The following CARMIL1 variants were observed in gnomAD, a reference collection of about 807,000 sequenced individuals.
CARMIL1 encodes the protein F-actin-uncapping protein LRRC16A.
Under a neutral mutation model 177.1 loss-of-function variants are expected in CARMIL1, and 90 were observed. The observed-to-expected ratio is 0.51, with a 90% CI of 0.43 to 0.61. CARMIL1 has a LOEUF of 0.61. CARMIL1 is among the 20% of genes least tolerant of loss of function. The probability of loss-of-function intolerance (pLI) is 0.00; values close to 1 mark genes in which losing one functional copy is unlikely to be tolerated. For synonymous variants in CARMIL1, 577 were observed against 606.2 expected (o/e 0.95, Z 0.71); for missense variants, 1,380 against 1,667.0 (o/e 0.83, Z 3.00).
intron 2 of CARMIL1, among the ~76,000 whole-genome samples, chr6:25,299,143 C>T (rs554966902): frequency 3.5e-4 from 52 of 148,474 alleles, no homozygotes; most frequent in African/African-American, 1.1e-3. Flanking sequence ...TCTCCATAGT[C>T]AGAAGGATTC....
At chr6:25,280,344 G>A (rs1282153652) in intron 1 of CARMIL1, among the ~76,000 whole-genome samples, 1 of 152,200 alleles carries the variant, frequency 6.6e-6, no homozygotes, top group East Asian at 1.9e-4. Flanking sequence ...CTGACACGCA[G>A]ACTTGGGGGA....
intron 2 of CARMIL1, among the ~76,000 whole-genome samples, chr6:25,339,485 A>G (rs531912533): frequency 6.6e-6 from 1 of 152,286 alleles, no homozygotes; most frequent in African/African-American, 2.4e-5. Flanking sequence ...TTTGATTCCT[A>G]TCATGGGGTC....
At chr6:25,391,446 A>G (rs72830747) in intron 2 of CARMIL1, among the ~76,000 whole-genome samples, 22,046 of 152,162 alleles carry the variant, frequency 0.14, 1,835 homozygotes, top group East Asian at 0.32. Context: ...ACCTTCTGAG[A>G]TAGAGCCTCA....
rs564286002 is a variant in CARMIL1, at chr6:25,353,015, G to A, written c.139-67099G>A. ...GTGTTTCTGTGTGTCTTCTCCTGCC[G>A]CCCTGCCTGGATCTCAGCTGCTATC... On this transcript the variant is annotated intron_variant, in intron 2 of 36. Transcript: ENST00000329474. Among the ~76,000 whole-genome samples, 3 of 152,020 alleles carry A rather than the reference G, an allele frequency of 2.0e-5. No individual in the cohort carries two copies. In the East Asian group the frequency reaches 5.8e-4, roughly 29 times the overall value.
chr6:25,296,045 C>G (rs576795961), intron 2 of CARMIL1, among the ~76,000 whole-genome samples: 1 of 152,314 alleles, frequency 6.6e-6, no homozygotes, highest in East Asian at 1.9e-4. Context: ...GCATGTAGAA[C>G]TAGTCCAATG....
chr6:25,475,386 GTGA>G (rs1310329496), intron 11 of CARMIL1, among the ~76,000 whole-genome samples: 3 of 150,436 alleles, frequency 2.0e-5, no homozygotes, highest in Non-Finnish European at 4.4e-5. Context: ...GGGTGAGAGA[GTGA>G]GACTCCGTCT....
intron 2 of CARMIL1, among the ~76,000 whole-genome samples, chr6:25,361,755 CA>C (rs368637067): frequency 3.9e-3 from 589 of 152,204 alleles, no homozygotes; most frequent in African/African-American, 0.012. Flanking sequence ...ATAAGGTCAT[CA>C]GGGGGGTTCC....
intron 21 of CARMIL1, among the ~76,000 whole-genome samples, chr6:25,516,712 A>AT (rs1806041046): frequency 6.6e-6 from 1 of 152,252 alleles, no homozygotes; most frequent in African/African-American, 2.4e-5. Flanking sequence ...AAGTATACAC[A>AT]TTCTGAAGGT....
At chr6:25,432,880 T>C (rs1000352191) in intron 4 of CARMIL1, 8 of 143,418 alleles carry the variant, frequency 5.6e-5, no homozygotes, top group Non-Finnish European at 1.1e-4. Flanking sequence ...ATTTGAATCA[T>C]ACATAAGTTA....
intron 5 of CARMIL1, among the ~76,000 whole-genome samples, chr6:25,441,839 G>A (rs995161927): frequency 2.0e-5 from 3 of 151,948 alleles, no homozygotes; most frequent in African/African-American, 4.8e-5. Flanking sequence ...TCTGTGTTAC[G>A]GCCTTCAGCT....
At chr6:25,584,321 A>G (rs1813439249) in intron 31 of CARMIL1, among the ~76,000 whole-genome samples, 1 of 150,212 alleles carries the variant, frequency 6.7e-6, no homozygotes, top group East Asian at 2.0e-4. Flanking sequence ...GATTGCAGGC[A>G]TGAGCTACCA....
intron 2 of CARMIL1, among the ~76,000 whole-genome samples, chr6:25,397,141 C>T (rs993405306): frequency 1.1e-4 from 16 of 152,272 alleles, no homozygotes; most frequent in Middle Eastern, 3.4e-3. Context: ...GGTTTGCAGG[C>T]ATATTTACAG....
intron 2 of CARMIL1, among the ~76,000 whole-genome samples, chr6:25,387,975 G>T (rs767008183): frequency 1.3e-5 from 2 of 152,086 alleles, no homozygotes; most frequent in African/African-American, 2.4e-5. Flanking sequence ...GGAACAGAAC[G>T]ATGAGAGAAA....
rs1810801181 is a variant in CARMIL1 at position 25,558,249 on chromosome 6, C to T, written c.2742+1399C>T. ...AAATCAACTCCACATACCACGTTTC[C>T]TACCAGATTTATTTGGTCATGTGTA... On this transcript the variant is annotated intron_variant, in intron 29 of 36. Coordinates refer to ENST00000329474, the MANE Select transcript of CARMIL1 (RefSeq NM_017640.6). The surrounding 1 kb of genome is among the most constrained non-coding windows in gnomAD (Gnocchi z 4.1). 6.6e-6 allele frequency among the ~76,000 whole-genome samples: 1 copy of T among 152,108 alleles called. No individual in the cohort carries two copies. Among genetic ancestry groups the T allele is most frequent in the Admixed American group, 6.5e-5 (1 of 15,272 alleles).
At chr6:25,404,085 G>A (rs1254263629) in intron 2 of CARMIL1, among the ~76,000 whole-genome samples, 2 of 152,210 alleles carry the variant, frequency 1.3e-5, no homozygotes, top group East Asian at 3.9e-4. Context: ...ATCCTCTGGT[G>A]TAACCCTGCC....
chr6:25,441,460 A>G (rs1051276349), intron 5 of CARMIL1, among the ~76,000 whole-genome samples: 2 of 151,186 alleles, frequency 1.3e-5, no homozygotes, highest in Non-Finnish European at 2.9e-5. Context: ...TAAAATTTGT[A>G]GTATTTACAT....
intron 1 of CARMIL1, among the ~76,000 whole-genome samples, chr6:25,281,136 G>GCGCGCGCGCACACACA (rs10642536): frequency 5.3e-5 from 7 of 132,102 alleles, no homozygotes; most frequent in South Asian, 2.7e-4. Flanking sequence ...GTGCGCGCGC[G>GCGCGCGCGCACACACA]CACACACACA....
intron 8 of CARMIL1, among the ~76,000 whole-genome samples, chr6:25,464,747 G>C (rs909660628): frequency 2.0e-5 from 3 of 152,190 alleles, no homozygotes; most frequent in Admixed American, 2.0e-4. Flanking sequence ...GCTAAAAAGG[G>C]AGGTGGGGTT....
chr6:25,585,172 C>T (rs1813517037), intron 31 of CARMIL1, among the ~76,000 whole-genome samples: 1 of 152,156 alleles, frequency 6.6e-6, no homozygotes, highest in Non-Finnish European at 1.5e-5. Flanking sequence ...GCTTTCATGT[C>T]TAACAGCCCT....
Sources: allele counts gnomAD v4.1 joint callset (sites outside exome capture counted in the v4.1 genomes callset), GRCh38; gene constraint gnomAD v4.1.1; non-coding constraint Gnocchi (gnomAD v3.1); transcripts MANE v1.5; gene names NCBI Gene and HGNC (gene_info 2026-07-23, HGNC 2026-07-21).